Variants in WDPCP observed in about 807,000 individuals in gnomAD.
The protein encoded by WDPCP is WD repeat-containing and planar cell polarity effector protein fritz homolog.
WDPCP carries 71 observed loss-of-function variants against 93.1 expected under a neutral mutation model. The ratio of observed to expected loss-of-function variants is 0.76; its 90% CI spans 0.63 to 0.93. The LOEUF is 0.93. Among genes scored for constraint, WDPCP ranks in the 40% least tolerant of loss-of-function variants. The probability of loss-of-function intolerance (pLI) is 0.00; values close to 1 mark genes in which losing one functional copy is unlikely to be tolerated. For synonymous variants in WDPCP, 315 were observed against 315.0 expected (o/e 1.00, Z 0.00); for missense variants, 844 against 887.4 (o/e 0.95, Z 0.62).
chr2:63,721,535 A>T (rs11677338), intron 2 of WDPCP, among the ~76,000 whole-genome samples: 53,442 of 151,748 alleles, frequency 0.35, 10,346 homozygotes, highest in Non-Finnish European at 0.43. Flanking sequence ...TGTCTTTTTT[A>T]AAAAAATATA....
intron 14 of WDPCP, among the ~76,000 whole-genome samples, chr2:63,244,886 A>G (rs919946852): frequency 6.6e-6 from 1 of 152,162 alleles, no homozygotes; most frequent in Non-Finnish European, 1.5e-5. Context: ...CCTATCTGCA[A>G]CTTCTATCAG....
At chr2:63,505,832 G>C (rs1701835375) in intron 1 of WDPCP, among the ~76,000 whole-genome samples, 1 of 151,976 alleles carries the variant, frequency 6.6e-6, no homozygotes, top group Non-Finnish European at 1.5e-5. Context: ...ACCATGCTAG[G>C]CATTCACAAT....
At chr2:63,494,293 C>CGACGACGAT (rs1701081281) in intron 1 of WDPCP, among the ~76,000 whole-genome samples, 1 of 151,508 alleles carries the variant, frequency 6.6e-6, no homozygotes, top group Non-Finnish European at 1.5e-5. Flanking sequence ...ATGATGACGA[C>CGACGACGAT]GACGACGACA....
intron 12 of WDPCP, among the ~76,000 whole-genome samples, chr2:63,366,518 C>T (rs1690918282): frequency 1.9e-5 from 1 of 52,128 alleles, no homozygotes; most frequent in Non-Finnish European, 2.9e-5. Flanking sequence ...TCATTGTGCC[C>T]TTATTATCTA....
At chr2:63,317,896 A>T (rs966370227) in intron 12 of WDPCP, among the ~76,000 whole-genome samples, 3 of 152,216 alleles carry the variant, frequency 2.0e-5, no homozygotes, top group African/African-American at 7.2e-5. Flanking sequence ...AACTGCAACA[A>T]AAACAAAAAA....
chr2:63,606,669 T>C (rs1709535778), intron 3 of WDPCP, among the ~76,000 whole-genome samples: 1 of 152,092 alleles, frequency 6.6e-6, no homozygotes, highest in Non-Finnish European at 1.5e-5. Flanking sequence ...TTTTTTTTTT[T>C]TAGATTCAAG....
At chr2:63,191,835 GAA>G (rs768592843) in intron 14 of WDPCP, among the ~76,000 whole-genome samples, 2 of 152,168 alleles carry the variant, frequency 1.3e-5, no homozygotes, top group Non-Finnish European at 2.9e-5. Flanking sequence ...TTTTAGATGT[GAA>G]AATTATATGA....
chr2:63,671,449 C>T (rs1710346194), intron 2 of WDPCP, among the ~76,000 whole-genome samples: 1 of 152,174 alleles, frequency 6.6e-6, no homozygotes, highest in Non-Finnish European at 1.5e-5. Flanking sequence ...CCTTCTCTAT[C>T]TCCTTCACCC....
At chr2:63,409,288 G>C (rs993176540) in intron 9 of WDPCP, among the ~76,000 whole-genome samples, 1 of 152,152 alleles carries the variant, frequency 6.6e-6, no homozygotes, top group Non-Finnish European at 1.5e-5. Context: ...GCTAGACCCA[G>C]AAGAGAGACA....
intron 1 of WDPCP, among the ~76,000 whole-genome samples, chr2:63,510,427 C>T (rs1333353436): frequency 1.3e-5 from 2 of 152,084 alleles, no homozygotes. Context: ...TGGTGAAACA[C>T]ATCTCAAAAT....
At chr2:63,511,965 T>C (rs2106094917) in intron 1 of WDPCP, among the ~76,000 whole-genome samples, 2 of 152,260 alleles carry the variant, frequency 1.3e-5, no homozygotes, top group South Asian at 4.1e-4. Flanking sequence ...ACAGGCAACC[T>C]ACAGAATGGG....
intron 14 of WDPCP, among the ~76,000 whole-genome samples, chr2:63,240,408 C>T (rs924023984): frequency 6.6e-6 from 1 of 152,022 alleles, no homozygotes; most frequent in African/African-American, 2.4e-5. Flanking sequence ...AAACTCCTGG[C>T]CTCAAGCTAT....
rs569914078 is a variant in WDPCP at position 63,528,512 on chromosome 2, A to C, written c.76-35572T>G. 9.2e-5 allele frequency among the ~76,000 whole-genome samples: 14 copies of C among 152,326 alleles called. No individual in the cohort carries two copies. The South Asian group carries it at 2.9e-3, about 32-fold the overall frequency. ...TTCTTGTTTTTATCAGGTTTGTCAA[A>C]GATCAGATAGTTGTAGATGTGTGGT... On this transcript the variant is annotated intron_variant, in intron 1 of 17. Coordinates refer to ENST00000272321, the MANE Select transcript of WDPCP (RefSeq NM_015910.7).
chr2:63,250,822 A>T (rs1680648154), intron 14 of WDPCP, among the ~76,000 whole-genome samples: 1 of 152,176 alleles, frequency 6.6e-6, no homozygotes, highest in Admixed American at 6.5e-5. Context: ...TATTTTACTG[A>T]GTGTTTTATG....
intron 1 of WDPCP, among the ~76,000 whole-genome samples, chr2:63,560,264 A>C (rs1706499984): frequency 1.3e-5 from 2 of 151,856 alleles, no homozygotes; most frequent in Admixed American, 6.6e-5. Context: ...ATATGGAACC[A>C]AAAAAAAGTG....
chr2:63,262,242 G>A (rs569413114), intron 13 of WDPCP, among the ~76,000 whole-genome samples: 2 of 152,014 alleles, frequency 1.3e-5, no homozygotes, highest in South Asian at 4.1e-4. Context: ...ATTATGGAAA[G>A]CAAAAAATAT....
intron 14 of WDPCP, among the ~76,000 whole-genome samples, chr2:63,215,831 C>A (rs1433547605): frequency 6.6e-6 from 1 of 152,076 alleles, no homozygotes; most frequent in Non-Finnish European, 1.5e-5. Context: ...GGCTAATATC[C>A]AGAATCTACA....
intron 13 of WDPCP, 117 bp downstream of exon 13, chr2:63,313,131 T>C: frequency 1.1e-6 from 1 of 914,406 alleles, no homozygotes; most frequent in Admixed American, 2.0e-5. Flanking sequence ...GATGGAATAA[T>C]GCTTTCCCAC....
intron 12 of WDPCP, among the ~76,000 whole-genome samples, chr2:63,367,767 T>TC (rs1315892067): frequency 2.0e-5 from 3 of 152,160 alleles, no homozygotes; most frequent in Non-Finnish European, 2.9e-5. Flanking sequence ...GGCTGGGCAG[T>TC]CTATGGATCA....
Sources: allele counts gnomAD v4.1 joint callset (sites outside exome capture counted in the v4.1 genomes callset), GRCh38; gene constraint gnomAD v4.1.1; transcripts MANE v1.5; gene names NCBI Gene and HGNC (gene_info 2026-07-23, HGNC 2026-07-21).